HECW2: variants seen among roughly 807,000 people sequenced by gnomAD.
HECW2 encodes the protein E3 ubiquitin-protein ligase HECW2.
Under a neutral mutation model 175.2 loss-of-function variants are expected in HECW2, and 61 were observed. The observed-to-expected ratio is 0.35, with a 90% CI of 0.28 to 0.43. The LOEUF is 0.43. HECW2 is among the 20% of genes least tolerant of loss of function. The pLI is 1.00. For synonymous variants in HECW2, 671 were observed against 731.0 expected (o/e 0.92, Z 1.32); for missense variants, 1,524 against 2,000.5 (o/e 0.76, Z 4.54).
At chr2:196,205,832 A>G (rs1687047583) in intron 28 of HECW2, among the ~76,000 whole-genome samples, 1 of 152,192 alleles carries the variant, frequency 6.6e-6, no homozygotes, top group African/African-American at 2.4e-5. Context: ...GATTAGCAAC[A>G]TGATACCTAC....
intron 1 of HECW2, among the ~76,000 whole-genome samples, chr2:196,486,283 T>C (rs1277201459): frequency 6.6e-6 from 1 of 152,200 alleles, no homozygotes; most frequent in African/African-American, 2.4e-5. Flanking sequence ...GCAAACTAAA[T>C]GGTATTTTCA....
chr2:196,232,790 G>T (rs926864225), intron 21 of HECW2, among the ~76,000 whole-genome samples: 2 of 152,102 alleles, frequency 1.3e-5, no homozygotes, highest in African/African-American at 4.8e-5. Flanking sequence ...GTTCCCTGAG[G>T]AATTAAACTG....
At chr2:196,356,654 T>C (rs188990957) in intron 2 of HECW2, among the ~76,000 whole-genome samples, 1 of 152,282 alleles carries the variant, frequency 6.6e-6, no homozygotes, top group Admixed American at 6.5e-5. Flanking sequence ...GAAGGGTGAG[T>C]ACAACACAGT....
intron 10 of HECW2, among the ~76,000 whole-genome samples, chr2:196,311,810 C>T (rs1001465733): frequency 7.2e-5 from 11 of 152,056 alleles, no homozygotes; most frequent in African/African-American, 2.7e-4. Context: ...ACAACAACAA[C>T]AACAAACAAA....
rs1158051512 is a variant in HECW2, at chr2:196,521,282, C to CAAAAA, written c.-36+72221_-36+72225dup. Among the ~76,000 whole-genome samples, 212 of 53,350 alleles carry CAAAAA rather than the reference C, an allele frequency of 4.0e-3. 1 individual carries two copies. The highest frequency in any genetic ancestry group is 6.0e-3 in the East Asian group (8 of 1,332). 35.0% of individuals were successfully genotyped at this position (53,350 alleles called of 152,430 possible). ...CATCCTCACTAGGAAACGTGAGTAA[C>CAAAAA]AAAAAAAAAAAAAAAAAAAAAAAAA... On this transcript the variant is annotated intron_variant, in intron 1 of 28. Coordinates refer to ENST00000644978, the MANE Select transcript of HECW2 (RefSeq NM_001348768.2).
intron 1 of HECW2, among the ~76,000 whole-genome samples, chr2:196,580,887 G>C (rs2125527605): frequency 6.6e-6 from 1 of 152,236 alleles, no homozygotes; most frequent in South Asian, 2.1e-4. Context: ...CGAAAAATGA[G>C]ACCATCCTCA....
intron 19 of HECW2, among the ~76,000 whole-genome samples, chr2:196,248,886 T>A (rs1479691259): frequency 6.6e-6 from 1 of 152,062 alleles, no homozygotes; most frequent in Non-Finnish European, 1.5e-5. Flanking sequence ...GCTCTCTGAG[T>A]GTTTTACTTC....
chr2:196,423,601 T>G (rs760833311), intron 2 of HECW2, among the ~76,000 whole-genome samples: 22 of 151,924 alleles, frequency 1.4e-4, no homozygotes, highest in Non-Finnish European at 2.9e-4. Flanking sequence ...ATCAAATGAG[T>G]TATTTCACTT....
rs1015076985 is a variant in HECW2, at chr2:196,295,931, A to G, written c.2815-3181T>C. On this transcript the variant is annotated intron_variant, in intron 13 of 28. Transcript: ENST00000644978. ...AAAGAGCATCTACCAAAGTAATTCA[A>G]TGCAGGAGATTTCTCTCAGTAACTA... 3.3e-5 allele frequency among the ~76,000 whole-genome samples: 5 copies of G among 152,334 alleles called. No homozygotes were observed. The East Asian group carries it at 9.6e-4, about 29-fold the overall frequency.
intron 1 of HECW2, among the ~76,000 whole-genome samples, chr2:196,457,833 C>T (rs1449042432): frequency 6.6e-6 from 1 of 152,154 alleles, no homozygotes; most frequent in Non-Finnish European, 1.5e-5. Flanking sequence ...ACCTGAAAAG[C>T]ATTATATACA....
intron 1 of HECW2, among the ~76,000 whole-genome samples, chr2:196,555,716 AAAAG>A (rs2125491528): frequency 6.6e-6 from 1 of 152,364 alleles, no homozygotes; most frequent in South Asian, 2.1e-4. Flanking sequence ...GTATTTTTTA[AAAAG>A]AAAAGACAGC....
intron 28 of HECW2, among the ~76,000 whole-genome samples, chr2:196,203,289 C>T (rs1357083359): frequency 6.6e-6 from 1 of 152,032 alleles, no homozygotes; most frequent in East Asian, 1.9e-4. Flanking sequence ...ATTTGATATC[C>T]TTAGACTGGA....
In HECW2 at chr2:196,316,989, T is replaced by C. The variant is rs551528030; in HGVS notation, c.2434+285A>G. On this transcript the variant is annotated intron_variant, in intron 10 of 28. Transcript: ENST00000644978. ...GTGGTTAGGCATAATTTAAAACAAT[T>C]CTATTATGCACCCAATTTCCCAAAA... 302 of 350,768 alleles carry C rather than the reference T, an allele frequency of 8.6e-4. 1 individual carries two copies. The South Asian group carries it at 0.016, about 18-fold the overall frequency. The allele number at this position is 350,768 out of a possible 1,614,324, so 21.7% of individuals were successfully genotyped here. A position where few individuals can be genotyped will look rare whatever the true frequency, so the allele number is the denominator to read the frequency against.
chr2:196,210,660 C>A (rs528993915), intron 28 of HECW2, among the ~76,000 whole-genome samples: 117 of 152,008 alleles, frequency 7.7e-4, no homozygotes, highest in African/African-American at 2.7e-3. Context: ...GTCACCCAGG[C>A]TGGAGTGCAG....
At chr2:196,242,682 CTTT>C (rs1157719695) in intron 19 of HECW2, 1,689 of 86,654 alleles carry the variant, frequency 0.019, 28 homozygotes, top group African/African-American at 0.075. Context: ...CCTCATGAAA[CTTT>C]TTTTTTTTTT....
At chr2:196,326,379 A>G (rs1407498197) in intron 5 of HECW2, among the ~76,000 whole-genome samples, 1 of 152,156 alleles carries the variant, frequency 6.6e-6, no homozygotes, top group Admixed American at 6.5e-5. Flanking sequence ...AGGTCTAATG[A>G]CACACACCTG....
rs147122894 is a variant in HECW2 at position 196,461,090 on chromosome 2, T to C, written c.-35-27632A>G. 2.8e-3 allele frequency among the ~76,000 whole-genome samples: 429 copies of C among 152,110 alleles called. 2 individuals are homozygous for C. The highest frequency in any genetic ancestry group is 9.8e-3 in the African/African-American group (408 of 41,500). ...GAGTAAACAGTTGTAATAGATAAAA[T>C]GGCCTTCAGTTGAAGATGGGTAATA... is the stretch of plus-strand genomic sequence containing the variant. On this transcript the variant is annotated intron_variant, in intron 1 of 28. Coordinates refer to ENST00000644978, the MANE Select transcript of HECW2 (RefSeq NM_001348768.2).
At chr2:196,519,991 T>C (rs551482777) in intron 1 of HECW2, among the ~76,000 whole-genome samples, 4 of 152,198 alleles carry the variant, frequency 2.6e-5, no homozygotes, top group South Asian at 2.1e-4. Context: ...AAATTAATAG[T>C]GTTTAAGATG....
intron 5 of HECW2, among the ~76,000 whole-genome samples, chr2:196,326,856 G>A (rs919438653): frequency 3.3e-5 from 5 of 152,140 alleles, no homozygotes; most frequent in South Asian, 2.1e-4. Flanking sequence ...CTCATTAGCC[G>A]TGCAGTCCCC....
Sources: gnomAD v4.1 joint callset for allele counts (sites outside exome capture counted in the v4.1 genomes callset) on GRCh38, gnomAD v4.1.1 for gene constraint, MANE v1.5 for transcripts, NCBI Gene and HGNC (gene_info 2026-07-23, HGNC 2026-07-21) for gene names.